Variants in ADCY10 observed in about 807,000 individuals in gnomAD.
ADCY10 encodes adenylate cyclase 10.
Under a neutral mutation model 183.3 loss-of-function variants are expected in ADCY10, and 156 were observed. The observed-to-expected ratio is 0.85, with a 90% CI of 0.75 to 0.97. The LOEUF (loss-of-function observed/expected upper bound fraction) is 0.97, where lower values mean the gene tolerates loss of function less well. Ranked by LOEUF, ADCY10 falls within the 50% of genes least tolerant of loss-of-function variation. ADCY10 has a pLI of 0.00. For missense variants in ADCY10, 1,745 were observed against 1,934.3 expected (o/e 0.90, Z 1.84); for synonymous variants, 645 against 670.0 (o/e 0.96, Z 0.58).
chr1:167,870,507 C>A, intron 13 of ADCY10, 97 bp from the exon 14 acceptor site: 1 of 1,145,346 alleles, frequency 8.7e-7, no homozygotes, highest in South Asian at 1.3e-5. Flanking sequence ...TAAAAATATC[C>A]TTGGGCCAGG....
Position 167,878,438 on chromosome 1 carries a change from A to G in ADCY10, c.1406+8T>C. The G allele has an allele frequency of 2.5e-6, 4 of 1,613,188 alleles. No homozygotes were observed. The highest frequency in any genetic ancestry group is 3.4e-6 in the Non-Finnish European group (4 of 1,179,572). On this transcript the variant is annotated splice_region_variant and intron_variant, in intron 12 of 32. Coordinates refer to ENST00000367851, the MANE Select transcript of ADCY10 (RefSeq NM_018417.6). ...AAATATACTTCAAAATTAATGCTCCACACTCACACTTTCTCAGTACGGCCC... is the reference window on the plus strand; with the variant it reads ...AAATATACTTCAAAATTAATGCTCCGCACTCACACTTTCTCAGTACGGCCC...
intron 18 of ADCY10, among the ~76,000 whole-genome samples, chr1:167,848,885 C>T (rs1174120393): frequency 2.6e-5 from 4 of 152,102 alleles, no homozygotes; most frequent in African/African-American, 9.7e-5. Flanking sequence ...AGTGATCTGC[C>T]TGCCTCGGCC....
At chr1:167,821,611 T>C (rs561778462) in intron 30 of ADCY10, among the ~76,000 whole-genome samples, 33 of 152,338 alleles carry the variant, frequency 2.2e-4, no homozygotes, top group African/African-American at 7.9e-4. Flanking sequence ...CGAAGCCCGC[T>C]TTCGTGAAGA....
chr1:167,847,583 T>A (rs1365001066), intron 19 of ADCY10, among the ~76,000 whole-genome samples: 1 of 150,908 alleles, frequency 6.6e-6, no homozygotes, highest in East Asian at 2.0e-4. Context: ...GCCCGGCTAA[T>A]TTTTTTTTGT....
At chr1:167,861,956 CT>C (rs1666318516) in intron 14 of ADCY10, among the ~76,000 whole-genome samples, 1 of 152,202 alleles carries the variant, frequency 6.6e-6, no homozygotes, top group Non-Finnish European at 1.5e-5. Context: ...TAAGACATGC[CT>C]TGCTTCCCCT....
intron 32 of ADCY10, among the ~76,000 whole-genome samples, chr1:167,810,324 T>G (rs1167038592): frequency 1.3e-5 from 2 of 152,228 alleles, no homozygotes; most frequent in African/African-American, 2.4e-5. Flanking sequence ...TGCTATGGTC[T>G]GAATGTTGGC....
intron 12 of ADCY10, among the ~76,000 whole-genome samples, chr1:167,877,651 T>C (rs1423865312): frequency 6.6e-6 from 1 of 152,016 alleles, no homozygotes; most frequent in Non-Finnish European, 1.5e-5. Flanking sequence ...AATTGTGATA[T>C]AGGGCAAGGA....
chr1:167,824,841 G>A lies in ADCY10; in HGVS notation c.3765C>T (p.Tyr1255=), dbSNP rs148366922. The change falls in exon 27 of 33, where the codon TAC becomes TAT. Residue 1255 remains tyrosine (Y), a synonymous_variant. Coordinates refer to ENST00000367851, the MANE Select transcript of ADCY10 (RefSeq NM_018417.6). The stretch of plus-strand genomic sequence containing the variant: ...GGTGGTGGTATAGCGAATAGTCTAG[G>A]TAAGCCTTAATGATCTGAAATGGCA... The part of the protein sequence containing the change: ...TQNCFQIIKA[Y]LDYSLYHHLA... 3.5e-3 allele frequency: 5,727 copies of A among 1,614,214 alleles called. 10 individuals carry two copies. The highest frequency in any genetic ancestry group is 4.9e-3 in the Middle Eastern group (30 of 6,062).
chr1:167,822,422 A>G (rs1010468197), intron 29 of ADCY10, among the ~76,000 whole-genome samples: 1 of 152,300 alleles, frequency 6.6e-6, no homozygotes, highest in East Asian at 1.9e-4. Flanking sequence ...AGTGCAGCCT[A>G]GGACTTCTCT....
At chr1:167,896,321 A>C (rs1023921941) in intron 7 of ADCY10, among the ~76,000 whole-genome samples, 1 of 152,214 alleles carries the variant, frequency 6.6e-6, no homozygotes, top group East Asian at 1.9e-4. Flanking sequence ...GCACGGAAAG[A>C]AGCTTTACTT....
At chr1:167,891,655 C>CAA (rs774084079) in intron 8 of ADCY10, among the ~76,000 whole-genome samples, 3,040 of 107,586 alleles carry the variant, frequency 0.028, 112 homozygotes, top group African/African-American at 0.092. Flanking sequence ...GACTCTGTCT[C>CAA]AAAAAAAAAA....
chr1:167,827,277 C>T (rs1307563654), intron 26 of ADCY10, among the ~76,000 whole-genome samples: 2 of 151,744 alleles, frequency 1.3e-5, no homozygotes, highest in East Asian at 1.9e-4. Flanking sequence ...ACACCATTCT[C>T]CTGCCTCAGC....
rs900325692 is a variant in ADCY10 at position 167,848,433 on chromosome 1, C to A, written c.2365G>T (p.Glu789Ter). 1 of 1,613,900 alleles carries A rather than the reference C, an allele frequency of 6.2e-7. No homozygotes were observed. Among genetic ancestry groups the A allele is most frequent in the Non-Finnish European group, 8.5e-7 (1 of 1,179,812 alleles). Residue 789 changes from glutamate (E) to a stop codon, truncating the protein, a stop_gained, in exon 19 of 33, where the codon GAA becomes TAA. Coordinates refer to ENST00000367851, the MANE Select transcript of ADCY10 (RefSeq NM_018417.6). LOFTEE classifies it high-confidence loss of function. ...LNMVTLHSDK[E>*]SEEVCHLTSG... ...GTGAGGTGACAGACTTCTTCACTTT[C>A]CTTATCACTATGGAGAGTAACCATG...
At chr1:167,874,570 G>GGCATAATTGACCAAAATT (rs71301005) in intron 13 of ADCY10, among the ~76,000 whole-genome samples, 16 of 152,024 alleles carry the variant, frequency 1.1e-4, no homozygotes, top group African/African-American at 3.9e-4. Context: ...AAAACTATTT[G>GGCATAATTGACCAAAATT]GCACCCTTTG....
chr1:167,827,341 T>C, intron 26 of ADCY10, among the ~76,000 whole-genome samples: 1 of 150,020 alleles, frequency 6.7e-6, no homozygotes, highest in East Asian at 1.9e-4. Flanking sequence ...CTAATTTTTT[T>C]TTTTTTTTTT....
chr1:167,847,525 C>T (rs2101977827), intron 19 of ADCY10, among the ~76,000 whole-genome samples: 1 of 152,190 alleles, frequency 6.6e-6, no homozygotes, highest in East Asian at 1.9e-4. Flanking sequence ...AAGCAATTCT[C>T]CTGCCTCAGT....
intron 5 of ADCY10, among the ~76,000 whole-genome samples, chr1:167,900,297 TC>T (rs1253570846): frequency 6.6e-6 from 1 of 152,106 alleles, no homozygotes; most frequent in East Asian, 1.9e-4. Flanking sequence ...CAGGGCTGAC[TC>T]CCCCCTGATT....
At chr1:167,843,925 T>G (rs1571279509) in intron 21 of ADCY10, among the ~76,000 whole-genome samples, 1 of 152,312 alleles carries the variant, frequency 6.6e-6, no homozygotes, top group Non-Finnish European at 1.5e-5. Context: ...CTACATCCTC[T>G]TCCTCATTTC....
chr1:167,824,915 T>C (rs1040433355), intron 26 of ADCY10, 60 bp from the exon 27 acceptor site: 9 of 1,438,996 alleles, frequency 6.3e-6, no homozygotes, highest in Non-Finnish European at 8.8e-6. Flanking sequence ...CTCAGGAACA[T>C]CACTCAATGT....
Sources: gnomAD v4.1 joint callset for allele counts (sites outside exome capture counted in the v4.1 genomes callset) on GRCh38, gnomAD v4.1.1 for gene constraint, MANE v1.5 for transcripts, NCBI Gene and HGNC (gene_info 2026-07-23, HGNC 2026-07-21) for gene names.